The following CDH3 variants were observed in gnomAD, a reference collection of about 807,000 sequenced individuals.
CDH3 encodes the protein cadherin 3, also known as cadherin-3.
Under a neutral mutation model 82.0 loss-of-function variants are expected in CDH3, and 54 were observed. The observed-to-expected ratio is 0.66, with a 90% CI of 0.53 to 0.83. The LOEUF (loss-of-function observed/expected upper bound fraction) is 0.83. Ranked by LOEUF, CDH3 falls within the 40% of genes least tolerant of loss-of-function variation. CDH3 has a pLI of 0.00. For missense variants in CDH3, 1,054 were observed against 1,084.6 expected (o/e 0.97, Z 0.40); for synonymous variants, 446 against 437.9 (o/e 1.02, Z -0.23).
intron 11 of CDH3, chr16:68,686,478 C>A: frequency 8.2e-7 from 1 of 1,224,214 alleles, no homozygotes; most frequent in Non-Finnish European, 1.2e-6. Flanking sequence ...CATTATGGGT[C>A]CAGAAAAATC....
intron 2 of CDH3, among the ~76,000 whole-genome samples, chr16:68,725,458 G>A (rs949447373): frequency 2.0e-5 from 3 of 151,490 alleles, no homozygotes; most frequent in Admixed American, 6.6e-5. Context: ...CTCAGTCTCC[G>A]GAGTAGCTGG....
chr16:68,655,522 A>T (rs1164899171), intron 2 of CDH3, among the ~76,000 whole-genome samples: 1 of 152,200 alleles, frequency 6.6e-6, no homozygotes, highest in Non-Finnish European at 1.5e-5. Flanking sequence ...AGAGGGACAG[A>T]CAAATAAGTA....
chr16:68,694,622 CA>C (rs11328814), intron 13 of CDH3, among the ~76,000 whole-genome samples: 37,273 of 140,810 alleles, frequency 0.26, 4,548 homozygotes, highest in Admixed American at 0.29. Context: ...GACTCTGTCT[CA>C]AAAAAAAAAA....
chr16:68,692,140 G>C (rs935593291), intron 13 of CDH3, among the ~76,000 whole-genome samples: 1 of 152,148 alleles, frequency 6.6e-6, no homozygotes, highest in Non-Finnish European at 1.5e-5. Context: ...AGGCTCAAAT[G>C]ATCTTCCCAG....
At chr16:68,692,420 T>C in intron 13 of CDH3, among the ~76,000 whole-genome samples, 1 of 152,196 alleles carries the variant, frequency 6.6e-6, no homozygotes, top group East Asian at 1.9e-4. Flanking sequence ...GCTTTGGGGA[T>C]ACAGTGGTGA....
At chr16:68,715,758 G>A (rs906449834) in intron 1 of CDH3, among the ~76,000 whole-genome samples, 1 of 152,218 alleles carries the variant, frequency 6.6e-6, no homozygotes, top group Non-Finnish European at 1.5e-5. Flanking sequence ...CTCTGGAGTA[G>A]CGTAAGAAAC....
At chr16:68,721,855 T>C (rs1270726944) in intron 1 of CDH3, among the ~76,000 whole-genome samples, 1 of 152,092 alleles carries the variant, frequency 6.6e-6, no homozygotes, top group Non-Finnish European at 1.5e-5. Flanking sequence ...TTTGGGAGGC[T>C]GAGGCGGGCA....
At chr16:68,706,544 C>CTTTTTTT (rs34364461) in intron 1 of CDH3, among the ~76,000 whole-genome samples, 2 of 81,670 alleles carry the variant, frequency 2.4e-5, no homozygotes, top group South Asian at 9.8e-4. Flanking sequence ...GTCACATTTC[C>CTTTTTTT]TTTTTTTTTT....
chr16:68,654,060 A>AT (rs201141030), intron 2 of CDH3, among the ~76,000 whole-genome samples: 29,134 of 125,944 alleles, frequency 0.23, 3,544 homozygotes, highest in African/African-American at 0.31. Context: ...TTTGTTCTTA[A>AT]TTTTTTTTTT....
At chr16:68,670,025 C>G (rs1476839863) in intron 2 of CDH3, among the ~76,000 whole-genome samples, 1 of 151,906 alleles carries the variant, frequency 6.6e-6, no homozygotes, top group East Asian at 1.9e-4. Flanking sequence ...GAGTTTGAGA[C>G]CAGCCTGACC....
chr16:68,724,581 C>G (rs1008098229), intron 2 of CDH3, among the ~76,000 whole-genome samples: 1 of 151,674 alleles, frequency 6.6e-6, no homozygotes, highest in Non-Finnish European at 1.5e-5. Flanking sequence ...GAGCTATGAT[C>G]CCACCACTGC....
chr16:68,718,096 G>GC (rs889584637), intron 1 of CDH3, among the ~76,000 whole-genome samples: 2 of 151,916 alleles, frequency 1.3e-5, no homozygotes, highest in Non-Finnish European at 2.9e-5. Flanking sequence ...TGCAATCTCT[G>GC]CCCCCAGGTT....
rs761383192 is a variant in CDH3 at position 68,654,516 on chromosome 16, A to G, written c.160+8766A>G. Among the ~76,000 whole-genome samples, 571 of 133,060 alleles carry G rather than the reference A, an allele frequency of 4.3e-3. 6 individuals are homozygous for G. The highest frequency in any genetic ancestry group is 7.9e-3 in the Non-Finnish European group (503 of 63,836). The allele number at this position is 133,060 out of a possible 152,430, so 87.3% of individuals were successfully genotyped here. A position where few individuals can be genotyped will look rare whatever the true frequency, so the allele number is the denominator to read the frequency against. On this transcript the variant is annotated intron_variant, in intron 2 of 15. Coordinates refer to ENST00000264012, the MANE Select transcript of CDH3 (RefSeq NM_001793.6). ...TCAAGAGTTCGAGACCAGCCTGGCC[A>G]ACATGGTGAAACCCTGTCTCTACTA...
chr16:68,728,323 G>T (rs187273071), downstream of CDH3, among the ~76,000 whole-genome samples: 1 of 152,046 alleles, frequency 6.6e-6, no homozygotes, highest in Admixed American at 6.6e-5. Flanking sequence ...CCGCCACCAC[G>T]CCCAGCTAAT....
downstream of CDH3, among the ~76,000 whole-genome samples, chr16:68,701,621 C>G (rs953146905): frequency 2.0e-5 from 3 of 151,344 alleles, no homozygotes; most frequent in African/African-American, 7.3e-5. Context: ...TCTCAGCTCA[C>G]TGCAACCTCC....
intron 9 of CDH3, among the ~76,000 whole-genome samples, chr16:68,684,329 TC>T (rs1961334143): frequency 6.6e-6 from 1 of 152,136 alleles, no homozygotes; most frequent in Admixed American, 6.5e-5. Context: ...TTCTCAAACA[TC>T]ACCACCACTC....
chr16:68,645,957 C>T, intron 2 of CDH3: 1 of 584,654 alleles, frequency 1.7e-6, no homozygotes, highest in South Asian at 2.1e-5. Context: ...CATCCAGCCC[C>T]TTGTCCGGTA....
intron 2 of CDH3, among the ~76,000 whole-genome samples, chr16:68,722,888 G>C (rs1309389339): frequency 6.6e-6 from 1 of 151,986 alleles, no homozygotes; most frequent in East Asian, 1.9e-4. Flanking sequence ...CTGCCTCCCA[G>C]GTTCCAGGGA....
chr16:68,704,447 G>A (rs1427145742), downstream of CDH3, among the ~76,000 whole-genome samples: 1 of 152,230 alleles, frequency 6.6e-6, no homozygotes, highest in African/African-American at 2.4e-5. Flanking sequence ...GGAATTCCCT[G>A]AGATTCCCCA....
Sources: allele counts gnomAD v4.1 joint callset (sites outside exome capture counted in the v4.1 genomes callset), GRCh38; gene constraint gnomAD v4.1.1; transcripts MANE v1.5; gene names NCBI Gene and HGNC (gene_info 2026-07-23, HGNC 2026-07-21).